DIP2A: variants seen among roughly 807,000 people sequenced by gnomAD.
The protein encoded by DIP2A is DIP2 acetate--CoA ligase A.
DIP2A carries 85 observed loss-of-function variants against 177.4 expected under a neutral mutation model. The observed-to-expected ratio is 0.48, with a 90% confidence interval of 0.40 to 0.57. DIP2A has a LOEUF of 0.57. Among genes scored for constraint, DIP2A ranks in the 20% least tolerant of loss-of-function variants. The probability of loss-of-function intolerance (pLI) is 0.00; values close to 1 mark genes in which losing one functional copy is unlikely to be tolerated. For synonymous variants in DIP2A, 886 were observed against 881.8 expected (o/e 1.00, Z -0.08); for missense variants, 1,791 against 2,100.2 (o/e 0.85, Z 2.88).
intron 3 of DIP2A, among the ~76,000 whole-genome samples, chr21:46,496,058 G>A (rs556411914): frequency 3.0e-5 from 4 of 131,314 alleles, no homozygotes; most frequent in South Asian, 2.8e-4. Context: ...GCGACAGATC[G>A]AGACTCCATC....
intron 4 of DIP2A, 72 bp downstream of exon 4, chr21:46,497,179 C>G: frequency 6.5e-7 from 1 of 1,529,778 alleles, no homozygotes; most frequent in Non-Finnish European, 8.8e-7. Flanking sequence ...CTATTTACTT[C>G]CCATTGAGTT....
At chr21:46,571,301 C>T (rs1416882492), downstream of DIP2A, among the ~76,000 whole-genome samples, 3 of 152,178 alleles carry the variant, frequency 2.0e-5, no homozygotes, top group Non-Finnish European at 2.9e-5. Flanking sequence ...TCCACAAAAC[C>T]AGTCGCTGGT....
At chr21:46,463,719 T>TGTGTGTGTGTG (rs35675489) in intron 1 of DIP2A, among the ~76,000 whole-genome samples, 2 of 122,414 alleles carry the variant, frequency 1.6e-5, no homozygotes, top group African/African-American at 4.2e-5. Flanking sequence ...TGTGTGTGTG[T>TGTGTGTGTGTG]ATATTTTGAG....
At chr21:46,582,880 A>G in the DIP2A span, among the ~76,000 whole-genome samples, 2 of 152,198 alleles carry the variant, frequency 1.3e-5, no homozygotes, top group Non-Finnish European at 2.9e-5. Context: ...AAGACTATAA[A>G]TGCATTTTTC....
the DIP2A span, among the ~76,000 whole-genome samples, chr21:46,581,864 C>T: frequency 2.4e-4 from 36 of 152,252 alleles, no homozygotes; most frequent in Non-Finnish European, 4.0e-4. Context: ...CTGGTGGGAA[C>T]GCTCCCGTAT....
chr21:46,483,734 T>A (rs1195057122), intron 1 of DIP2A, among the ~76,000 whole-genome samples: 2 of 152,254 alleles, frequency 1.3e-5, no homozygotes, highest in African/African-American at 4.8e-5. Context: ...ATAAATGACA[T>A]CAGCCTGTGT....
At chr21:46,565,217 G>A (rs188409838) in intron 35 of DIP2A, among the ~76,000 whole-genome samples, 5 of 152,318 alleles carry the variant, frequency 3.3e-5, no homozygotes, top group Non-Finnish European at 5.9e-5. Flanking sequence ...ATACACACAC[G>A]TGAACACGGA....
chr21:46,534,912 C>G (rs1807798525), intron 13 of DIP2A, among the ~76,000 whole-genome samples: 1 of 152,154 alleles, frequency 6.6e-6, no homozygotes, highest in African/African-American at 2.4e-5. Context: ...TTAGCAGAGT[C>G]CAGACAACCC....
At chr21:46,480,345 C>T (rs943347128) in intron 1 of DIP2A, among the ~76,000 whole-genome samples, 1 of 152,160 alleles carries the variant, frequency 6.6e-6, no homozygotes, top group African/African-American at 2.4e-5. Flanking sequence ...ATCCGGAGAA[C>T]AGCATGGGGA....
At chr21:46,471,213 T>C (rs1433055110) in intron 1 of DIP2A, among the ~76,000 whole-genome samples, 2 of 152,176 alleles carry the variant, frequency 1.3e-5, no homozygotes, top group Admixed American at 6.5e-5. Context: ...AGTTTTTTTT[T>C]AGATTCAGAG....
At chr21:46,472,778 C>T (rs1298605891) in intron 1 of DIP2A, among the ~76,000 whole-genome samples, 1 of 152,168 alleles carries the variant, frequency 6.6e-6, no homozygotes, top group Non-Finnish European at 1.5e-5. Context: ...TTGAAACAAA[C>T]TCAAATTCCT....
intron 3 of DIP2A, among the ~76,000 whole-genome samples, chr21:46,493,210 G>C (rs1033119832): frequency 5.3e-5 from 8 of 152,124 alleles, no homozygotes; most frequent in Middle Eastern, 3.2e-3. Flanking sequence ...CACGTGGGCT[G>C]GTTTTGTTTC....
rs74927565 is a variant in DIP2A at position 46,519,611 on chromosome 21, G to A, written c.1102+7997G>A. Reference sequence around the variant, plus strand: ...CAGTATGGTGAGGGCCATTCATAACGCCAAGAAAATTTGGTATCTGGAAGA... The same window carrying A: ...CAGTATGGTGAGGGCCATTCATAACACCAAGAAAATTTGGTATCTGGAAGA... On this transcript the variant is annotated intron_variant, in intron 8 of 37. Transcript: ENST00000417564. Among the ~76,000 whole-genome samples, 548 of 152,198 alleles carry A rather than the reference G, an allele frequency of 3.6e-3. 3 individuals are homozygous for A. Among genetic ancestry groups the A allele is most frequent in the African/African-American group, 0.012 (508 of 41,508 alleles).
At position 46,560,892 on chromosome 21, in the gene DIP2A, G is replaced by C. The variant is rs998637809; in HGVS notation, c.4031+109G>C. 44 of 1,507,064 alleles carry C rather than the reference G, an allele frequency of 2.9e-5. No individual in the cohort carries two copies. The African/African-American group carries it at 5.1e-4, about 17-fold the overall frequency. The allele number at this position is 1,507,064 out of a possible 1,614,324, so 93.4% of individuals were successfully genotyped here. A position where few individuals can be genotyped will look rare whatever the true frequency, so the allele number is the denominator to read the frequency against. ...GGGACCCAGGCATTAGAGGACGGCG[G>C]GGCCAAGTCAGGCCTACCGGGACAC... On this transcript the variant is annotated intron_variant, in intron 33 of 37. Coordinates refer to ENST00000417564, the MANE Select transcript of DIP2A (RefSeq NM_015151.4).
chr21:46,503,180 G>A (rs970525504), intron 5 of DIP2A, among the ~76,000 whole-genome samples: 3 of 152,064 alleles, frequency 2.0e-5, no homozygotes, highest in African/African-American at 4.8e-5. Flanking sequence ...AAAATTGGCT[G>A]GGTGTGGTGG....
At chr21:46,487,095 A>G (rs1305396969) in intron 2 of DIP2A, among the ~76,000 whole-genome samples, 1 of 152,222 alleles carries the variant, frequency 6.6e-6, no homozygotes, top group African/African-American at 2.4e-5. Context: ...CATGGAAGTT[A>G]AATTGGAGAG....
At chr21:46,583,288 C>T in the DIP2A span, among the ~76,000 whole-genome samples, 2 of 152,144 alleles carry the variant, frequency 1.3e-5, no homozygotes, top group Admixed American at 6.5e-5. Flanking sequence ...CAATGTCTCA[C>T]TTTCTATAAT....
At chr21:46,550,330 A>G (rs2060224800) in intron 22 of DIP2A, among the ~76,000 whole-genome samples, 1 of 152,216 alleles carries the variant, frequency 6.6e-6, no homozygotes, top group South Asian at 2.1e-4. Flanking sequence ...GTGTACACAA[A>G]TACAGTGTGT....
intron 18 of DIP2A, among the ~76,000 whole-genome samples, 200 bp from the exon 19 acceptor site, chr21:46,544,937 A>T (rs1221308406): frequency 6.6e-6 from 1 of 152,224 alleles, no homozygotes; most frequent in Non-Finnish European, 1.5e-5. Flanking sequence ...TACATTGATT[A>T]TAAAAAATAT....
Sources: gnomAD v4.1 joint callset for allele counts (sites outside exome capture counted in the v4.1 genomes callset) on GRCh38, gnomAD v4.1.1 for gene constraint, MANE v1.5 for transcripts, NCBI Gene and HGNC (gene_info 2026-07-23, HGNC 2026-07-21) for gene names.